CACNA2D3: variants seen among roughly 807,000 people sequenced by gnomAD.
The protein encoded by CACNA2D3 is voltage-dependent calcium channel subunit alpha-2/delta-3.
A neutral mutation model predicts 160.6 loss-of-function variants in CACNA2D3; 60 were observed. The ratio of observed to expected loss-of-function variants is 0.37; its 90% CI spans 0.30 to 0.46. The LOEUF is 0.46. CACNA2D3 is among the 20% of genes least tolerant of loss of function. CACNA2D3 has a pLI of 1.00. For missense variants in CACNA2D3, 1,205 were observed against 1,365.0 expected (o/e 0.88, Z 1.85); for synonymous variants, 558 against 492.9 (o/e 1.13, Z -1.75).
intron 32 of CACNA2D3, among the ~76,000 whole-genome samples, chr3:55,007,506 C>G (rs1371062908): frequency 6.6e-6 from 1 of 152,162 alleles, no homozygotes; most frequent in Non-Finnish European, 1.5e-5. Context: ...GTTTAAGCAT[C>G]GGGTGCTGAA....
At chr3:54,442,232 T>C (rs1327894917) in intron 4 of CACNA2D3, among the ~76,000 whole-genome samples, 1 of 152,140 alleles carries the variant, frequency 6.6e-6, no homozygotes, top group Non-Finnish European at 1.5e-5. Flanking sequence ...TCTCTCAGCC[T>C]CCCTTGCATC....
intron 27 of CACNA2D3, among the ~76,000 whole-genome samples, chr3:54,939,486 G>A (rs1366887912): frequency 1.3e-5 from 2 of 152,174 alleles, no homozygotes; most frequent in Admixed American, 6.5e-5. Context: ...GTAGGTTCCC[G>A]CTGCCCATTT....
At chr3:54,763,835 G>A (rs9844182) in intron 12 of CACNA2D3, among the ~76,000 whole-genome samples, 1 of 76,338 alleles carries the variant, frequency 1.3e-5, no homozygotes, top group African/African-American at 4.9e-5. Context: ...GTATATATAT[G>A]TATATATATG....
chr3:54,266,349 ATAAGGT>A (rs1311871800), intron 2 of CACNA2D3, among the ~76,000 whole-genome samples: 2 of 152,254 alleles, frequency 1.3e-5, no homozygotes, highest in Non-Finnish European at 2.9e-5. Flanking sequence ...GAAATGGAAA[ATAAGGT>A]TAAGAGAAAT....
intron 2 of CACNA2D3, among the ~76,000 whole-genome samples, chr3:54,264,173 GGGTGGTGTCCTC>G (rs1702459694): frequency 6.6e-6 from 1 of 152,114 alleles, no homozygotes; most frequent in Non-Finnish European, 1.5e-5. Flanking sequence ...CAGATGTGGT[GGGTGGTGTCCTC>G]GGCTGATTAC....
chr3:54,166,393 C>G (rs1700458820), intron 2 of CACNA2D3, among the ~76,000 whole-genome samples: 1 of 152,184 alleles, frequency 6.6e-6, no homozygotes, highest in African/African-American at 2.4e-5. Flanking sequence ...TAGCTGCTCA[C>G]CTTGAAATCC....
intron 3 of CACNA2D3, among the ~76,000 whole-genome samples, chr3:54,368,272 C>A (rs1575418057): frequency 6.6e-6 from 1 of 152,130 alleles, no homozygotes; most frequent in Non-Finnish European, 1.5e-5. Flanking sequence ...GAGTTCTAGA[C>A]CAGCCTAGGC....
intron 2 of CACNA2D3, among the ~76,000 whole-genome samples, chr3:54,203,950 C>G (rs1393480569): frequency 2.6e-5 from 4 of 152,002 alleles, no homozygotes; most frequent in Non-Finnish European, 4.4e-5. Flanking sequence ...CTGTCCTCAC[C>G]TAGGTCCCTG....
At chr3:54,701,589 C>T (rs1700768614) in intron 11 of CACNA2D3, among the ~76,000 whole-genome samples, 1 of 152,100 alleles carries the variant, frequency 6.6e-6, no homozygotes, top group Non-Finnish European at 1.5e-5. Context: ...TGAAAGAAAT[C>T]AGAGACAACA....
rs74998043 is a variant in CACNA2D3 at position 54,168,881 on chromosome 3, G to A, written c.204+45287G>A. On this transcript the variant is annotated intron_variant, in intron 2 of 37. Coordinates refer to ENST00000474759, the MANE Select transcript of CACNA2D3 (RefSeq NM_018398.3). ...TGACCTGTAGGTGCCGCATCCCAGG[G>A]GTTCTGTTCTGAACTCTCACTGTCC... Among the ~76,000 whole-genome samples the A allele has an allele frequency of 0.014, 2,165 of 152,180 alleles. 122 individuals carry two copies. The East Asian group carries it at 0.2, about 14-fold the overall frequency.
At position 54,843,261 on chromosome 3, in the gene CACNA2D3, A is replaced by G. The variant is rs540848162; in HGVS notation, c.1552-3132A>G. ...CAGGCATGAGCTACTGTGCCCAGCCAAGTATAGCATTTTTAGATGCTAGAG... is the reference window on the plus strand; with the variant it reads ...CAGGCATGAGCTACTGTGCCCAGCCGAGTATAGCATTTTTAGATGCTAGAG... On this transcript the variant is annotated intron_variant, in intron 16 of 37. Transcript: ENST00000474759. Among the ~76,000 whole-genome samples the G allele has an allele frequency of 1.1e-4, 16 of 152,318 alleles. No individual in the cohort carries two copies. The South Asian group carries it at 3.3e-3, about 32-fold the overall frequency.
intron 2 of CACNA2D3, among the ~76,000 whole-genome samples, chr3:54,307,858 A>G (rs1214409915): frequency 6.6e-6 from 1 of 152,218 alleles, no homozygotes; most frequent in Admixed American, 6.5e-5. Context: ...GCGCCTGGGC[A>G]ACTAATATCG....
At chr3:54,780,378 A>G (rs568280925) in intron 13 of CACNA2D3, among the ~76,000 whole-genome samples, 4 of 152,332 alleles carry the variant, frequency 2.6e-5, no homozygotes, top group South Asian at 4.1e-4. Flanking sequence ...GCTAAATGCA[A>G]TATGTTGGGG....
intron 18 of CACNA2D3, chr3:54,878,771 C>A: frequency 3.0e-6 from 1 of 335,168 alleles, no homozygotes; most frequent in Admixed American, 4.8e-5. Flanking sequence ...ATCAGTATCG[C>A]CAAGGCTCTT....
chr3:54,130,859 G>T (rs66894511), intron 2 of CACNA2D3, among the ~76,000 whole-genome samples: 50,589 of 152,080 alleles, frequency 0.33, 8,833 homozygotes, highest in East Asian at 0.56. Flanking sequence ...AGCTGAGAGG[G>T]CATAGCCTTG....
chr3:54,135,167 G>T (rs527823809), intron 2 of CACNA2D3, among the ~76,000 whole-genome samples: 1 of 152,138 alleles, frequency 6.6e-6, no homozygotes, highest in South Asian at 2.1e-4. Context: ...TCACCTTCTC[G>T]GGGAGCTGCT....
At chr3:54,878,003 GAGTAAA>G (rs1449245143) in intron 18 of CACNA2D3, among the ~76,000 whole-genome samples, 1 of 152,168 alleles carries the variant, frequency 6.6e-6, no homozygotes, top group East Asian at 1.9e-4. Context: ...AAAATATCTA[GAGTAAA>G]ATATATGTTT....
At chr3:54,145,456 G>GT (rs1700008912) in intron 2 of CACNA2D3, among the ~76,000 whole-genome samples, 1 of 152,152 alleles carries the variant, frequency 6.6e-6, no homozygotes. Flanking sequence ...AAGAATTGCA[G>GT]TTTTTTTCTT....
intron 2 of CACNA2D3, among the ~76,000 whole-genome samples, chr3:54,190,567 C>G (rs1429771913): frequency 1.3e-5 from 2 of 152,204 alleles, no homozygotes; most frequent in Non-Finnish European, 2.9e-5. Flanking sequence ...CTAAGCATGT[C>G]ACTATCAGAG....
Sources: allele counts gnomAD v4.1 joint callset (sites outside exome capture counted in the v4.1 genomes callset), GRCh38; gene constraint gnomAD v4.1.1; transcripts MANE v1.5; gene names NCBI Gene and HGNC (gene_info 2026-07-23, HGNC 2026-07-21).